Variants in LMO7 observed in about 807,000 individuals in gnomAD.
LMO7 encodes the protein LIM domain only protein 7.
A neutral mutation model predicts 206.5 loss-of-function variants in LMO7; 120 were observed. That is an observed-to-expected ratio of 0.58 (90% CI 0.50 to 0.68). LMO7 has a LOEUF of 0.68. LMO7 is among the 30% of genes least tolerant of loss of function. The probability of loss-of-function intolerance (pLI) is 0.00; values close to 1 mark genes in which losing one functional copy is unlikely to be tolerated. For missense variants in LMO7, 1,959 were observed against 1,957.9 expected, an observed-to-expected ratio of 1.00 and a Z score of -0.01; for synonymous variants, 706 against 681.5, an observed-to-expected ratio of 1.04 and a Z score of -0.56.
At chr13:75,823,936 C>A (rs1397933248) in intron 15 of LMO7, 63 bp downstream of exon 15, 2 of 1,376,998 alleles carry the variant, frequency 1.5e-6, no homozygotes, top group African/African-American at 1.4e-5. Context: ...AATCTGGAAA[C>A]CATGTCTCAA....
At chr13:75,745,052 G>T (rs974099795) in intron 3 of LMO7, among the ~76,000 whole-genome samples, 17 of 152,192 alleles carry the variant, frequency 1.1e-4, no homozygotes, top group African/African-American at 3.9e-4. Flanking sequence ...GAATGATTGA[G>T]TGTGTGTATG....
intron 1 of LMO7, among the ~76,000 whole-genome samples, chr13:75,697,435 A>G (rs1225085649): frequency 6.6e-6 from 1 of 152,186 alleles, no homozygotes; most frequent in Admixed American, 6.5e-5. Flanking sequence ...AGAGCCAAAC[A>G]AAAGAGGAAA....
Position 75,807,788 on chromosome 13 carries a change from G to A in LMO7, c.1505G>A (p.Cys502Tyr). 1 of 1,613,878 alleles carries A rather than the reference G, an allele frequency of 6.2e-7. No homozygotes were observed. Residue 502 changes from cysteine to tyrosine, a missense_variant, in exon 10 of 31, where the codon TGT (cysteine) becomes TAT (tyrosine). Coordinates refer to ENST00000377534, the MANE Select transcript of LMO7 (RefSeq NM_001306080.2). ...GTAGAGCGAGATATAATTTTACAGT[G>A]TAGAGAAGGTGAACTTGTACTTCCG... ...DSVERDIILQ[C>Y]REGELVLPDL...
intron 2 of LMO7, among the ~76,000 whole-genome samples, chr13:75,625,436 T>C (rs2033912749): frequency 2.8e-5 from 1 of 35,356 alleles, no homozygotes; most frequent in South Asian, 7.0e-4. Context: ...CATGTGTGTG[T>C]GTGTGTGTGT....
At chr13:75,638,435 C>G (rs574190468) in intron 1 of LMO7, among the ~76,000 whole-genome samples, 2 of 152,252 alleles carry the variant, frequency 1.3e-5, no homozygotes, top group South Asian at 2.1e-4. Context: ...TGTTTTCACT[C>G]TCATCGCAGT....
intron 3 of LMO7, among the ~76,000 whole-genome samples, chr13:75,757,552 G>C (rs984086065): frequency 5.9e-5 from 9 of 151,992 alleles, no homozygotes; most frequent in Non-Finnish European, 1.2e-4. Flanking sequence ...AGCTCTCTAA[G>C]TTACCCTAGC....
intron 1 of LMO7, among the ~76,000 whole-genome samples, chr13:75,680,352 T>C (rs1227571613): frequency 6.6e-6 from 1 of 152,240 alleles, no homozygotes; most frequent in African/African-American, 2.4e-5. Flanking sequence ...AGTGCTGCAG[T>C]GAACATATGT....
At chr13:75,805,404 C>A (rs1254486639) in intron 8 of LMO7, 75 bp from the exon 9 acceptor site, 1 of 1,476,394 alleles carries the variant, frequency 6.8e-7, no homozygotes, top group East Asian at 2.3e-5. Flanking sequence ...ACTTTGTGAA[C>A]CAGAAAGCAT....
At chr13:75,696,488 A>G (rs1188679795) in intron 1 of LMO7, among the ~76,000 whole-genome samples, 1 of 152,198 alleles carries the variant, frequency 6.6e-6, no homozygotes, top group South Asian at 2.1e-4. Flanking sequence ...CCATTCAAAA[A>G]TCAAGCACCT....
intron 4 of LMO7, among the ~76,000 whole-genome samples, chr13:75,792,883 G>A (rs1322985990): frequency 6.6e-6 from 1 of 152,160 alleles, no homozygotes. Flanking sequence ...ATAATGCGAA[G>A]GTCACTGCTT....
intron 1 of LMO7, among the ~76,000 whole-genome samples, chr13:75,646,215 C>T (rs998821901): frequency 6.6e-6 from 1 of 152,212 alleles, no homozygotes; most frequent in Admixed American, 6.5e-5. Context: ...ACCACACATC[C>T]AATCTGTGAA....
At chr13:75,825,378 T>C (rs1484154250) in intron 15 of LMO7, among the ~76,000 whole-genome samples, 1 of 152,194 alleles carries the variant, frequency 6.6e-6, no homozygotes, top group East Asian at 1.9e-4. Context: ...TGCTGCACGC[T>C]GGGTGTTGGT....
chr13:75,831,083 G>A (rs1420391462), intron 15 of LMO7, among the ~76,000 whole-genome samples: 1 of 151,998 alleles, frequency 6.6e-6, no homozygotes, highest in Non-Finnish European at 1.5e-5. Context: ...TGGCTAAGGA[G>A]TAGAACCTAC....
At chr13:75,836,634 G>C (rs993164149) in intron 19 of LMO7, among the ~76,000 whole-genome samples, 177 bp downstream of exon 19, 1 of 152,192 alleles carries the variant, frequency 6.6e-6, no homozygotes, top group African/African-American at 2.4e-5. Flanking sequence ...TTCAGTTCCA[G>C]TGCTGAATAG....
chr13:75,636,847 G>A, intron 1 of LMO7, 121 bp downstream of exon 1: 1 of 958,464 alleles, frequency 1.0e-6, no homozygotes. Context: ...CAGCCGACGT[G>A]AACAAGCTGG....
chr13:75,679,020 TG>T (rs1353732769), intron 1 of LMO7, among the ~76,000 whole-genome samples: 5 of 152,230 alleles, frequency 3.3e-5, no homozygotes, highest in Non-Finnish European at 7.3e-5. Flanking sequence ...TCTTTTCCTT[TG>T]TTCACAGCTA....
chr13:75,789,226 C>T (rs1215751881), intron 4 of LMO7: 3 of 152,134 alleles, frequency 2.0e-5, no homozygotes, highest in Non-Finnish European at 4.4e-5. Context: ...TATAATGATT[C>T]AGTCAGATAA....
At chr13:75,825,001 G>T (rs574573781) in intron 15 of LMO7, among the ~76,000 whole-genome samples, 5 of 152,194 alleles carry the variant, frequency 3.3e-5, no homozygotes, top group African/African-American at 1.2e-4. Context: ...ATTTGGAAAT[G>T]CAGGAAAGTA....
Position 75,853,272 on chromosome 13 carries a change from C to T in LMO7, c.4545C>T (p.Pro1515=). The T allele has an allele frequency of 6.2e-7, 1 of 1,614,096 alleles. No homozygotes were observed. The highest frequency in any genetic ancestry group is 8.5e-7 in the Non-Finnish European group (1 of 1,180,008). ...AYMRNPSSSV[P]PPSAGSVKTS... ...TGCGGAACCCCTCCTCCAGCGTGCC[C>T]CCACCTTCAGCTGGCTCCGTGAAGA... The change falls in exon 28 of 31, where the codon CCC becomes CCT. Residue 1515 remains proline, a synonymous_variant. Transcript: ENST00000377534.
Sources: gnomAD v4.1 joint callset for allele counts (sites outside exome capture counted in the v4.1 genomes callset) on GRCh38, gnomAD v4.1.1 for gene constraint, MANE v1.5 for transcripts, NCBI Gene and HGNC (gene_info 2026-07-23, HGNC 2026-07-21) for gene names.